Variants in PLXNA4 observed in about 807,000 individuals in gnomAD.
PLXNA4 encodes the protein plexin A4.
A neutral mutation model predicts 191.8 loss-of-function variants in PLXNA4; 44 were observed. The ratio of observed to expected loss-of-function variants is 0.23; its 90% CI spans 0.18 to 0.29. The LOEUF (loss-of-function observed/expected upper bound fraction) is 0.29. PLXNA4 is among the 10% of genes least tolerant of loss of function. PLXNA4 has a pLI of 1.00. For missense variants in PLXNA4, 1,800 were observed against 2,488.8 expected, an observed-to-expected ratio of 0.72 and a Z score of 5.89; for synonymous variants, 1,082 against 1,009.5, an observed-to-expected ratio of 1.07 and a Z score of -1.36.
intron 4 of PLXNA4, chr7:132,266,359 G>A (rs188041202): frequency 6.6e-5 from 10 of 152,208 alleles, no homozygotes; most frequent in Non-Finnish European, 1.0e-4. Context: ...ATTAAACATC[G>A]TGCTAGGTAA....
At chr7:132,194,306 G>A in intron 13 of PLXNA4, 127 bp from the exon 14 acceptor site, 1 of 1,409,586 alleles carries the variant, frequency 7.1e-7, no homozygotes, top group Non-Finnish European at 9.5e-7. Flanking sequence ...AGGGGAGGAA[G>A]GGGAAGATAT....
intron 3 of PLXNA4, among the ~76,000 whole-genome samples, chr7:132,355,999 T>G (rs1453557543): frequency 6.6e-6 from 1 of 150,960 alleles, no homozygotes; most frequent in African/African-American, 2.4e-5. Context: ...GAGGAGGGGG[T>G]TTAGGATAGG....
intron 3 of PLXNA4, among the ~76,000 whole-genome samples, chr7:132,442,203 G>A (rs1170021548): frequency 6.6e-6 from 1 of 152,188 alleles, no homozygotes; most frequent in East Asian, 1.9e-4. Context: ...TGTCAGTCAG[G>A]GACAAAGAGT....
At chr7:132,501,996 C>T (rs1296529052) in intron 2 of PLXNA4, among the ~76,000 whole-genome samples, 1 of 152,208 alleles carries the variant, frequency 6.6e-6, no homozygotes, top group South Asian at 2.1e-4. Flanking sequence ...AAAAAGCAAG[C>T]CTCGTCTAAT....
At chr7:132,166,594 A>C (rs939104727) in intron 22 of PLXNA4, among the ~76,000 whole-genome samples, 5 of 151,858 alleles carry the variant, frequency 3.3e-5, no homozygotes, top group Non-Finnish European at 7.4e-5. Flanking sequence ...GCACAAAATG[A>C]AGCTGGTAAG....
chr7:132,325,636 C>T (rs952387168), intron 3 of PLXNA4, among the ~76,000 whole-genome samples: 1 of 152,120 alleles, frequency 6.6e-6, no homozygotes, highest in Non-Finnish European at 1.5e-5. Flanking sequence ...TGGCCACTAC[C>T]AGCACAAAGG....
chr7:132,165,898 G>C (rs1205762672), intron 22 of PLXNA4, among the ~76,000 whole-genome samples: 1 of 152,108 alleles, frequency 6.6e-6, no homozygotes, highest in African/African-American at 2.4e-5. Context: ...CCCAAGCCGT[G>C]TTAAAACTGT....
At position 132,159,593 on chromosome 7, in the gene PLXNA4, C is replaced by T. The variant is rs372771390; in HGVS notation, c.4540G>A (p.Glu1514Lys). The T allele has an allele frequency of 1.4e-5, 23 of 1,613,916 alleles. No homozygotes were observed. The highest frequency in any genetic ancestry group is 4.4e-5 in the South Asian group (4 of 91,056). The part of the protein sequence containing the change: ...CVSPDNANSP[E>K]VPVKILNCDT... ...CAGTTGAGGATCTTTACTGGGACCT[C>T]GGGGCTGTTGGCATTGTCTGGGCTG... The change falls in exon 25 of 32, where the codon GAG (glutamate) becomes AAG (lysine). Residue 1514 changes from glutamate (E) to lysine (K), a missense_variant. Coordinates refer to ENST00000321063, the MANE Select transcript of PLXNA4 (RefSeq NM_020911.2).
intron 3 of PLXNA4, among the ~76,000 whole-genome samples, chr7:132,335,363 C>T (rs1802775815): frequency 6.6e-6 from 1 of 152,216 alleles, no homozygotes; most frequent in African/African-American, 2.4e-5. Flanking sequence ...AAAATCTATT[C>T]TATAATGCTA....
chr7:132,238,910 C>G (rs1323786471), intron 5 of PLXNA4, among the ~76,000 whole-genome samples: 3 of 152,208 alleles, frequency 2.0e-5, no homozygotes, highest in Non-Finnish European at 4.4e-5. Context: ...CACAGCTCAC[C>G]AGTCATTGGT....
In PLXNA4 at chr7:132,124,527, TA is replaced by T. The variant is rs1794717576; in HGVS notation, c.*5951del. 6.6e-6 allele frequency: 1 copy of T among 152,230 alleles called. No individual in the cohort carries two copies. Among genetic ancestry groups the T allele is most frequent in the South Asian group, 2.1e-4 (1 of 4,832 alleles). 9.4% of individuals were successfully genotyped at this position (152,230 alleles called of 1,614,324 possible). On this transcript the variant is annotated 3_prime_UTR_variant, in exon 32 of 32. Coordinates refer to ENST00000321063, the MANE Select transcript of PLXNA4 (RefSeq NM_020911.2). ...GCTTGAGTCAAAAGATCAAAGATACTAACAAAGGAAGTTCTAATTCCAAATA... is the reference window on the plus strand; with the variant it reads ...GCTTGAGTCAAAAGATCAAAGATACTACAAAGGAAGTTCTAATTCCAAATA...
At chr7:132,453,602 C>T (rs764962312) in intron 3 of PLXNA4, among the ~76,000 whole-genome samples, 17 of 151,724 alleles carry the variant, frequency 1.1e-4, no homozygotes, top group Non-Finnish European at 1.9e-4. Context: ...AGAGCAGTGG[C>T]GCAATCTCGG....
At chr7:132,486,391 A>G (rs1797558020) in intron 3 of PLXNA4, among the ~76,000 whole-genome samples, 1 of 152,240 alleles carries the variant, frequency 6.6e-6, no homozygotes, top group African/African-American at 2.4e-5. Context: ...GAAAAAATAA[A>G]TAAATGGGCC....
chr7:132,479,088 C>A (rs1797239244), intron 3 of PLXNA4, among the ~76,000 whole-genome samples: 1 of 152,014 alleles, frequency 6.6e-6, no homozygotes, highest in Admixed American at 6.6e-5. Context: ...GACAACGTAG[C>A]AAGACCCCAT....
intron 3 of PLXNA4, among the ~76,000 whole-genome samples, chr7:132,471,833 C>A (rs546999271): frequency 1.3e-5 from 2 of 152,258 alleles, no homozygotes. Context: ...CAACAGTACA[C>A]GCAAGAACAA....
Position 132,630,657 on chromosome 7 carries a change from G to A in PLXNA4, c.-87+15271C>T, listed in dbSNP as rs548313709. On this transcript the variant is annotated intron_variant, in intron 2 of 4. Coordinates refer to the PLXNA4 transcript ENST00000378539. ...CTCCCAAGTAGCTGGGACTACAGGCGTCTGCCACCACACCCGGCTAATTTT... is the reference window on the plus strand; with the variant it reads ...CTCCCAAGTAGCTGGGACTACAGGCATCTGCCACCACACCCGGCTAATTTT... Among the ~76,000 whole-genome samples the A allele has an allele frequency of 5.6e-3, 854 of 152,144 alleles. 7 individuals carry two copies. Among genetic ancestry groups the A allele is most frequent in the Middle Eastern group, 0.027 (8 of 294 alleles).
intron 3 of PLXNA4, among the ~76,000 whole-genome samples, chr7:132,391,990 C>A (rs966144432): frequency 6.6e-6 from 1 of 151,994 alleles, no homozygotes; most frequent in Non-Finnish European, 1.5e-5. Context: ...TAGCCAGGCA[C>A]GGTGGCAGGT....
At chr7:132,161,460 T>C (rs925972158) in intron 24 of PLXNA4, among the ~76,000 whole-genome samples, 6 of 152,222 alleles carry the variant, frequency 3.9e-5, no homozygotes, top group Non-Finnish European at 7.3e-5. Flanking sequence ...TGCCTCATGA[T>C]TTCTCTGCCA....
At chr7:132,376,103 T>C (rs1052059938) in intron 3 of PLXNA4, among the ~76,000 whole-genome samples, 7 of 152,180 alleles carry the variant, frequency 4.6e-5, no homozygotes, top group African/African-American at 1.7e-4. Flanking sequence ...ATGGTGTTGT[T>C]GTGAGAATCA....
Sources: allele counts gnomAD v4.1 joint callset (sites outside exome capture counted in the v4.1 genomes callset), GRCh38; gene constraint gnomAD v4.1.1; transcripts MANE v1.5; gene names NCBI Gene and HGNC (gene_info 2026-07-23, HGNC 2026-07-21).